ZFX: variants seen among roughly 807,000 people sequenced by gnomAD.
The protein encoded by ZFX is zinc finger protein X-linked, also known as zinc finger X-chromosomal protein.
For missense variants in ZFX, 362 were observed against 628.3 expected (o/e 0.58, Z 4.53); for synonymous variants, 196 against 226.8 (o/e 0.86, Z 1.22).
At chrX:24,194,174 C>G (rs1936737222) in intron 5 of ZFX, among the ~76,000 whole-genome samples, 1 of 111,391 alleles carries the variant, frequency 9.0e-6, no homozygotes, top group Non-Finnish European at 1.9e-5. Context: ...AAATAGGATT[C>G]CATTGTATGG....
intron 5 of ZFX, among the ~76,000 whole-genome samples, chrX:24,183,392 C>G (rs895423438): frequency 5.4e-5 from 6 of 111,248 alleles, no homozygotes; most frequent in African/African-American, 2.0e-4. Flanking sequence ...CACCATGTTG[C>G]CTAGGCTGGT....
chrX:24,173,539 A>G, intron 4 of ZFX: 1 of 1,104,907 alleles, frequency 9.1e-7, no homozygotes, highest in Non-Finnish European at 1.2e-6. Flanking sequence ...ATTTCAGATT[A>G]CCCATGGTTA....
chrX:24,160,466 T>G (rs1174809073), intron 3 of ZFX, among the ~76,000 whole-genome samples: 2 of 109,870 alleles, frequency 1.8e-5, no homozygotes, highest in Non-Finnish European at 3.8e-5. Context: ...ACCTGGCTAA[T>G]TTTTGTATTT....
intron 5 of ZFX, among the ~76,000 whole-genome samples, chrX:24,196,276 C>T (rs1936916797): frequency 9.0e-6 from 1 of 111,268 alleles, no homozygotes; most frequent in Non-Finnish European, 1.9e-5. Context: ...ACACGCCCGG[C>T]TAATTTTTCT....
At chrX:24,201,373 A>G (rs1407984191) in intron 5 of ZFX, among the ~76,000 whole-genome samples, 3 of 112,769 alleles carry the variant, frequency 2.7e-5, no homozygotes, top group African/African-American at 9.7e-5. Context: ...TACAGGTAAA[A>G]CCATGACATT....
At chrX:24,194,075 T>C (rs776905276) in intron 5 of ZFX, among the ~76,000 whole-genome samples, 1 of 111,946 alleles carries the variant, frequency 8.9e-6, no homozygotes, top group East Asian at 2.8e-4. Flanking sequence ...TATTTTTTCC[T>C]TTTGTGGCTG....
rs762573193 is a variant in ZFX, at chrX:24,164,088, T to A, written c.-28-8627T>A. 5.5e-5 allele frequency among the ~76,000 whole-genome samples: 6 copies of A among 109,264 alleles called. No homozygotes were observed. The East Asian group carries it at 1.7e-3, about 31-fold the overall frequency. The allele number at this position is 109,264 out of a possible 115,157, so 94.9% of individuals were successfully genotyped here. A position where few individuals can be genotyped will look rare whatever the true frequency, so the allele number is the denominator to read the frequency against. On this transcript the variant is annotated intron_variant, in intron 3 of 9. Coordinates refer to ENST00000304543, the MANE Select transcript of ZFX (RefSeq NM_003410.4). ...GTCTTCCCAACCCCCTGGAAAAAGC[T>A]TGGTTTGGAGATTTTTTTGGGGTAA...
intron 3 of ZFX, among the ~76,000 whole-genome samples, chrX:24,166,395 T>A (rs1274237062): frequency 3.6e-5 from 4 of 112,627 alleles, no homozygotes; most frequent in African/African-American, 1.3e-4. Context: ...GATGGGGCTC[T>A]ATTTACAACA....
At chrX:24,154,515 C>T (rs1049303996) in intron 3 of ZFX, among the ~76,000 whole-genome samples, 19 of 111,855 alleles carry the variant, frequency 1.7e-4, no homozygotes, top group African/African-American at 5.9e-4. Context: ...GCAGGGATTC[C>T]TGGGGATCCC....
At chrX:24,160,261 A>G (rs1182585854) in intron 3 of ZFX, among the ~76,000 whole-genome samples, 1 of 107,097 alleles carries the variant, frequency 9.3e-6, no homozygotes, top group African/African-American at 3.4e-5. Flanking sequence ...AATTTTCTCT[A>G]GACTATAATT....
chrX:24,204,211 G>A (rs1374978040), intron 5 of ZFX, among the ~76,000 whole-genome samples: 3 of 112,063 alleles, frequency 2.7e-5, no homozygotes, highest in Non-Finnish European at 5.6e-5. Flanking sequence ...AAAGGTTTGG[G>A]GCTGCCATTT....
rs200322084 is a variant in ZFX, at chrX:24,163,879, C to G, written c.-28-8836C>G. Among the ~76,000 whole-genome samples, 12 of 91,313 alleles carry G rather than the reference C, an allele frequency of 1.3e-4. No homozygotes were observed. The East Asian group carries it at 4.3e-3, about 33-fold the overall frequency. The allele number at this position is 91,313 out of a possible 115,157, so 79.3% of individuals were successfully genotyped here. A position where few individuals can be genotyped will look rare whatever the true frequency, so the allele number is the denominator to read the frequency against. ...AAAAAATTCATTACGATCGGGTTTTCTTTTATTGAGTTAATGCTGGTAATT... is the reference window on the plus strand; with the variant it reads ...AAAAAATTCATTACGATCGGGTTTTGTTTTATTGAGTTAATGCTGGTAATT... On this transcript the variant is annotated intron_variant, in intron 3 of 9. Transcript: ENST00000304543.
chrX:24,164,535 A>C (rs760688802), intron 3 of ZFX, among the ~76,000 whole-genome samples: 4 of 112,059 alleles, frequency 3.6e-5, no homozygotes, highest in Non-Finnish European at 7.5e-5. Flanking sequence ...GTATGCATTC[A>C]TGTAGGTGAG....
At chrX:24,171,901 AGAAGGAGAG>A (rs2147505987) in intron 3 of ZFX, among the ~76,000 whole-genome samples, 2 of 61,203 alleles carry the variant, frequency 3.3e-5, no homozygotes, top group Admixed American at 3.6e-4. Context: ...GGACAGAGAG[AGAAGGAGAG>A]AGAGAGAGAG....
At position 24,179,394 on chromosome X, in the gene ZFX, G is replaced by A. The variant is rs757769053; in HGVS notation, c.270G>A (p.Thr90=). Residue 90 remains threonine, a synonymous_variant, in exon 5 of 10, where the codon ACG becomes ACA. Coordinates refer to ENST00000304543, the MANE Select transcript of ZFX (RefSeq NM_003410.4). ...TGGAAGAAGCAGATGTGTCTGAAAC[G>A]GTCATCATTCCTGAGCAAGTGCTGG... ...DIMEEADVSE[T]VIIPEQVLDS... is the part of the protein sequence containing the mutation. 14 of 1,212,074 alleles carry A rather than the reference G, an allele frequency of 1.2e-5. No individual in the cohort carries two copies. The highest frequency in any genetic ancestry group is 4.3e-5 in the Admixed American group (2 of 46,042).
intron 5 of ZFX, among the ~76,000 whole-genome samples, chrX:24,194,591 A>G (rs757099373): frequency 1.5e-4 from 16 of 109,345 alleles, no homozygotes; most frequent in Admixed American, 2.9e-4. Flanking sequence ...TGTTTTTACT[A>G]CTCTTTCTTA....
At chrX:24,164,579 G>A (rs915880350) in intron 3 of ZFX, among the ~76,000 whole-genome samples, 7 of 111,603 alleles carry the variant, frequency 6.3e-5, no homozygotes, top group African/African-American at 2.3e-4. Context: ...AAATTACAGC[G>A]TTGGTGATCA....
intron 5 of ZFX, among the ~76,000 whole-genome samples, chrX:24,187,039 T>G: frequency 1.8e-5 from 2 of 112,066 alleles, no homozygotes; most frequent in Non-Finnish European, 3.8e-5. Context: ...TAAAAATAGG[T>G]AATAGTAAAT....
chrX:24,209,324 T>C (rs1030417001), intron 9 of ZFX, among the ~76,000 whole-genome samples: 1 of 112,520 alleles, frequency 8.9e-6, no homozygotes, highest in African/African-American at 3.2e-5. Flanking sequence ...GTTATAAGCA[T>C]TAACTTTTTA....
Sources: allele counts gnomAD v4.1 joint callset (sites outside exome capture counted in the v4.1 genomes callset), GRCh38; gene constraint gnomAD v4.1.1; transcripts MANE v1.5; gene names NCBI Gene and HGNC (gene_info 2026-07-23, HGNC 2026-07-21).